ABCC9: variants seen among roughly 807,000 people sequenced by gnomAD.
ABCC9 encodes the protein ATP-binding cassette sub-family C member 9.
A neutral mutation model predicts 188.3 loss-of-function variants in ABCC9; 95 were observed. The observed-to-expected ratio is 0.50, with a 90% CI of 0.43 to 0.60. ABCC9 has a LOEUF of 0.60. ABCC9 is among the 20% of genes least tolerant of loss of function. The pLI is 0.00. For missense variants in ABCC9, 1,102 were observed against 1,876.3 expected (o/e 0.59, Z 7.62); for synonymous variants, 659 against 652.7 (o/e 1.01, Z -0.15).
intron 30 of ABCC9, among the ~76,000 whole-genome samples, chr12:21,830,425 G>C (rs1324298831): frequency 1.3e-5 from 2 of 152,146 alleles, no homozygotes; most frequent in African/African-American, 4.8e-5. Flanking sequence ...CCCATCTATG[G>C]GTTATGTTTG....
chr12:21,821,985 A>G (rs1943060738), intron 31 of ABCC9, among the ~76,000 whole-genome samples: 1 of 152,192 alleles, frequency 6.6e-6, no homozygotes, highest in East Asian at 1.9e-4. Context: ...CAATCCAAAT[A>G]TGCTCAAATT....
intron 18 of ABCC9, among the ~76,000 whole-genome samples, chr12:21,866,018 T>C (rs1211029126): frequency 6.8e-6 from 1 of 146,072 alleles, no homozygotes; most frequent in Non-Finnish European, 1.5e-5. Flanking sequence ...GAGTAAACAA[T>C]AGAGTTGATG....
rs1176882197 is a variant in ABCC9 at position 21,799,348 on chromosome 12, A to C, written c.*1696T>G. ...GAATTATTACTTGCTAACAGGCAAT[A>C]TGCATATTCTGCCCTACAAAATATT... On this transcript the variant is annotated 3_prime_UTR_variant, in exon 40 of 40. Coordinates refer to ENST00000261200, the MANE Select transcript of ABCC9 (RefSeq NM_020297.4). 2.0e-5 allele frequency: 3 copies of C among 152,160 alleles called. No individual in the cohort carries two copies. Among genetic ancestry groups the C allele is most frequent in the African/African-American group, 7.2e-5 (3 of 41,448 alleles). 9.4% of individuals were successfully genotyped at this position (152,160 alleles called of 1,614,324 possible). A position where few individuals can be genotyped will look rare whatever the true frequency, so the allele number is the denominator to read the frequency against.
At chr12:21,867,461 C>T (rs1413117139) in intron 18 of ABCC9, among the ~76,000 whole-genome samples, 1 of 152,090 alleles carries the variant, frequency 6.6e-6, no homozygotes, top group Non-Finnish European at 1.5e-5. Context: ...TGTGTATTTT[C>T]CTCCCAGAGT....
intron 12 of ABCC9, among the ~76,000 whole-genome samples, chr12:21,895,654 T>C (rs934256295): frequency 1.3e-5 from 2 of 152,232 alleles, no homozygotes; most frequent in African/African-American, 4.8e-5. Context: ...TTACAGTCTA[T>C]CTTTTGTTTA....
rs1006327852 is a variant in ABCC9 at position 21,894,046 on chromosome 12, G to A, written c.1788C>T (p.Val596=). 2 of 1,613,730 alleles carry A rather than the reference G, an allele frequency of 1.2e-6. No individual in the cohort carries two copies. The highest frequency in any genetic ancestry group is 1.3e-5 in the African/African-American group (1 of 74,854). ...FLLSTVVRFA[V]KAIISVQKLN... ...TCAGTGCATACCTTATGATGGCTTT[G>A]ACTGCAAATCTGACCACCGTGGAGA... Residue 596 remains valine (V), a synonymous_variant, in exon 14 of 40, where the codon GTC becomes GTT. Coordinates refer to ENST00000261200, the MANE Select transcript of ABCC9 (RefSeq NM_020297.4).
intron 14 of ABCC9, among the ~76,000 whole-genome samples, chr12:21,890,668 T>C (rs2137712379): frequency 3.3e-5 from 5 of 152,262 alleles, no homozygotes; most frequent in Admixed American, 3.3e-4. Context: ...ATGTCCTTTG[T>C]ACGGACATGG....
At chr12:21,860,155 T>G (rs779608793) in intron 21 of ABCC9, among the ~76,000 whole-genome samples, 1 of 152,184 alleles carries the variant, frequency 6.6e-6, no homozygotes, top group Non-Finnish European at 1.5e-5. Context: ...TGGCTTTACA[T>G]TTTTAAATTT....
Position 21,838,107 on chromosome 12 carries a change from T to C in ABCC9, c.3537A>G (p.Ala1179=). ...AGGCCCGAATGGTGGTGAGTCCTTC[T>C]GCTGTTTCTGAGAAGTGACAGAGCA... ...LPLLCHFSET[A]EGLTTIRAFR... The change falls in exon 30 of 40, where the codon GCA becomes GCG. Residue 1179 remains alanine, a synonymous_variant. Transcript: ENST00000261200. 6.2e-7 allele frequency: 1 copy of C among 1,614,136 alleles called. No individual in the cohort carries two copies. The highest frequency in any genetic ancestry group is 8.5e-7 in the Non-Finnish European group (1 of 1,179,980).
In ABCC9 at chr12:21,895,325, G is replaced by T. The variant is rs1169346732; in HGVS notation, c.1619-10C>A. The T allele has an allele frequency of 1.9e-6, 3 of 1,610,946 alleles. No homozygotes were observed. Among genetic ancestry groups the T allele is most frequent in the African/African-American group, 2.7e-5 (2 of 74,860 alleles). On this transcript the variant is annotated splice_polypyrimidine_tract_variant and intron_variant, in intron 12 of 39. Coordinates refer to ENST00000261200, the MANE Select transcript of ABCC9 (RefSeq NM_020297.4). The stretch of plus-strand genomic sequence containing the variant: ...GCTGCATTCATGAAGACTGTGGAAA[G>T]AAATAAAATGCATTAGTTTCATTGA...
In ABCC9 at chr12:21,798,955, G is replaced by A. The variant is rs1462364038; in HGVS notation, c.*2089C>T. The A allele has an allele frequency of 1.3e-5, 2 of 149,810 alleles. No individual in the cohort carries two copies. The highest frequency in any genetic ancestry group is 4.9e-5 in the African/African-American group (2 of 40,546). The allele number at this position is 149,810 out of a possible 1,614,324, so 9.3% of individuals were successfully genotyped here. ...AGTTCATGTCCTTTGTAGGGACATGGATGAAACTGGAAACCATCATTCTCA... is the reference window on the plus strand; with the variant it reads ...AGTTCATGTCCTTTGTAGGGACATGAATGAAACTGGAAACCATCATTCTCA... On this transcript the variant is annotated 3_prime_UTR_variant, in exon 40 of 40. Coordinates refer to ENST00000261200, the MANE Select transcript of ABCC9 (RefSeq NM_020297.4).
chr12:21,872,431 A>G (rs1361711058), intron 18 of ABCC9, among the ~76,000 whole-genome samples, 194 bp downstream of exon 18: 1 of 152,192 alleles, frequency 6.6e-6, no homozygotes, highest in Non-Finnish European at 1.5e-5. Context: ...ATTATAAACA[A>G]CCTTTGTAAT....
chr12:21,893,380 A>G (rs1299554649), intron 14 of ABCC9, among the ~76,000 whole-genome samples: 1 of 152,212 alleles, frequency 6.6e-6, no homozygotes, highest in Non-Finnish European at 1.5e-5. Context: ...TTAAAATAGT[A>G]AATGTGATGA....
chr12:21,938,492 A>C, intron 2 of ABCC9, among the ~76,000 whole-genome samples: 1 of 152,184 alleles, frequency 6.6e-6, no homozygotes, highest in East Asian at 1.9e-4. Context: ...AAAGACAGAC[A>C]AAAACAAAAC....
intron 22 of ABCC9, among the ~76,000 whole-genome samples, chr12:21,857,425 A>C (rs1218888660): frequency 6.6e-6 from 1 of 152,180 alleles, no homozygotes; most frequent in Non-Finnish European, 1.5e-5. Context: ...AGTACTCAGA[A>C]GCAGATCTCA....
rs71053348 is a variant in ABCC9, at chr12:21,818,526, A to ATGTGTGTGTG, written c.3670-285_3670-276dup. Among the ~76,000 whole-genome samples, 61 of 136,444 alleles carry ATGTGTGTGTG rather than the reference A, an allele frequency of 4.5e-4. 1 individual carries two copies. The highest frequency in any genetic ancestry group is 1.5e-3 in the African/African-American group (56 of 36,328). 89.5% of individuals were successfully genotyped at this position (136,444 alleles called of 152,430 possible). On this transcript the variant is annotated intron_variant, in intron 31 of 39. Coordinates refer to ENST00000261200, the MANE Select transcript of ABCC9 (RefSeq NM_020297.4). ...TATATAACTATATAGATATATATAT[A>ATGTGTGTGTG]TGTGTGTGTGTGTGTGTGTGTGTGT...
chr12:21,815,210 C>T (rs1285889676), intron 34 of ABCC9, among the ~76,000 whole-genome samples: 1 of 151,460 alleles, frequency 6.6e-6, no homozygotes, highest in Non-Finnish European at 1.5e-5. Context: ...AATATAAAAA[C>T]AGTTCTCACC....
At chr12:21,841,756 C>A (rs1944407858) in intron 29 of ABCC9, among the ~76,000 whole-genome samples, 1 of 152,036 alleles carries the variant, frequency 6.6e-6, no homozygotes, top group African/African-American at 2.4e-5. Context: ...ATAGATCAAT[C>A]CACATGTTAA....
intron 5 of ABCC9, among the ~76,000 whole-genome samples, chr12:21,920,104 G>A (rs917866358): frequency 5.9e-5 from 9 of 151,940 alleles, no homozygotes; most frequent in African/African-American, 1.9e-4. Flanking sequence ...GCAAATAAAG[G>A]TCTGCTATGA....
Sources: gnomAD v4.1 joint callset for allele counts (sites outside exome capture counted in the v4.1 genomes callset) on GRCh38, gnomAD v4.1.1 for gene constraint, MANE v1.5 for transcripts, NCBI Gene and HGNC (gene_info 2026-07-23, HGNC 2026-07-21) for gene names.